The following TFAP2D variants were observed in gnomAD, a reference collection of about 807,000 sequenced individuals.
The protein encoded by TFAP2D is transcription factor AP-2 delta, also known as transcription factor AP-2-delta.
A neutral mutation model predicts 43.6 loss-of-function variants in TFAP2D; 9 were observed. The observed-to-expected ratio is 0.21, with a 90% CI of 0.12 to 0.36. The LOEUF (loss-of-function observed/expected upper bound fraction) is 0.36. Among genes scored for constraint, TFAP2D ranks in the 10% least tolerant of loss-of-function variants. The pLI is 1.00. For missense variants in TFAP2D, 513 were observed against 561.4 expected (o/e 0.91, Z 0.87); for synonymous variants, 256 against 224.9 (o/e 1.14, Z -1.24).
intron 5 of TFAP2D, among the ~76,000 whole-genome samples, chr6:50,731,398 CT>C (rs1768890621): frequency 6.6e-6 from 1 of 151,820 alleles, no homozygotes. Context: ...TCAAAGAGAT[CT>C]TTTGCGCCCT....
intron 6 of TFAP2D, among the ~76,000 whole-genome samples, chr6:50,750,824 T>G (rs1293512716): frequency 6.6e-6 from 1 of 152,064 alleles, no homozygotes; most frequent in Admixed American, 6.6e-5. Context: ...GAAGTAAGAC[T>G]GTAACTTTAA....
chr6:50,735,663 C>T (rs1345765783), intron 5 of TFAP2D, among the ~76,000 whole-genome samples: 1 of 152,118 alleles, frequency 6.6e-6, no homozygotes, highest in Admixed American at 6.6e-5. Flanking sequence ...TTTTATTCCA[C>T]TCTGGCCAAA....
At chr6:50,767,556 C>A (rs534448594) in intron 7 of TFAP2D, among the ~76,000 whole-genome samples, 1 of 152,248 alleles carries the variant, frequency 6.6e-6, no homozygotes, top group South Asian at 2.1e-4. Context: ...TTATTTAAGT[C>A]CTCTCATCAC....
At chr6:50,721,428 T>C (rs1768722774) in intron 3 of TFAP2D, among the ~76,000 whole-genome samples, 1 of 152,220 alleles carries the variant, frequency 6.6e-6, no homozygotes, top group Non-Finnish European at 1.5e-5. Context: ...GTCTGTTTAT[T>C]CTGAAACAAT....
At chr6:50,750,033 A>G (rs1447540721) in intron 6 of TFAP2D, among the ~76,000 whole-genome samples, 1 of 151,948 alleles carries the variant, frequency 6.6e-6, no homozygotes, top group Non-Finnish European at 1.5e-5. Context: ...TTAAAATATC[A>G]TAAGTGATCT....
At chr6:50,714,579 G>A (rs1412924409) in intron 1 of TFAP2D, among the ~76,000 whole-genome samples, 1 of 152,166 alleles carries the variant, frequency 6.6e-6, no homozygotes, top group Non-Finnish European at 1.5e-5. Flanking sequence ...GATTTGCACA[G>A]ACTGGATTTT....
At chr6:50,715,084 T>C in intron 1 of TFAP2D, 32 bp from the exon 2 acceptor site, 1 of 1,595,428 alleles carries the variant, frequency 6.3e-7, no homozygotes, top group Non-Finnish European at 8.6e-7. Context: ...CTCAAGTTTT[T>C]CTGCTCTCCC....
Position 50,719,166 on chromosome 6 carries a change from C to A in TFAP2D, c.598+16C>A, listed in dbSNP as rs200425037. The A allele has an allele frequency of 2.5e-6, 4 of 1,611,066 alleles. No homozygotes were observed. In the South Asian group the frequency reaches 3.3e-5, roughly 13 times the overall value. On this transcript the variant is annotated intron_variant, in intron 3 of 7. Coordinates refer to ENST00000008391, the MANE Select transcript of TFAP2D (RefSeq NM_172238.4). ...ATAAGAAGAGGTAAGTAACAAGTAA[C>A]AACATGTTAACCCTAGACATTCTTC...
Position 50,715,490 on chromosome 6 carries a change from T to A in TFAP2D, c.414T>A (p.Asp138Glu), listed in dbSNP as rs1768605137. The part of the protein sequence containing the change: ...DEQRRELGCL[D>E]AYRRHDLSLM... The stretch of plus-strand genomic sequence containing the variant: ...AGAGGCGGGAGCTGGGCTGCCTCGA[T>A]GCCTACCGCCGCCATGACCTGTCCC... The change falls in exon 2 of 8, where the codon GAT (aspartate) becomes GAA (glutamate). Residue 138 changes from aspartate to glutamate, a missense_variant. Coordinates refer to ENST00000008391, the MANE Select transcript of TFAP2D (RefSeq NM_172238.4). The A allele has an allele frequency of 6.2e-7, 1 of 1,613,660 alleles. No homozygotes were observed. The highest frequency in any genetic ancestry group is 1.3e-5 in the African/African-American group (1 of 74,916).
At chr6:50,730,155 TATATG>T (rs1324170566) in intron 5 of TFAP2D, among the ~76,000 whole-genome samples, 1 of 152,200 alleles carries the variant, frequency 6.6e-6, no homozygotes, top group Non-Finnish European at 1.5e-5. Context: ...ATTATTTGTC[TATATG>T]GCACTGTAGG....
At chr6:50,735,970 A>T (rs541609975) in intron 5 of TFAP2D, among the ~76,000 whole-genome samples, 29 of 152,258 alleles carry the variant, frequency 1.9e-4, no homozygotes, top group Admixed American at 6.5e-4. Context: ...CATTCTTCTC[A>T]TAGAGTTTAG....
chr6:50,725,979 C>T (rs1188707730), intron 3 of TFAP2D, among the ~76,000 whole-genome samples: 2 of 152,178 alleles, frequency 1.3e-5, no homozygotes, highest in Non-Finnish European at 2.9e-5. Flanking sequence ...GAGTTGATGG[C>T]TAATCCTGAA....
Position 50,715,200 on chromosome 6 carries a change from T to C in TFAP2D, c.124T>C (p.Ser42Pro). 2 of 1,613,274 alleles carry C rather than the reference T, an allele frequency of 1.2e-6. No individual in the cohort carries two copies. The highest frequency in any genetic ancestry group is 3.3e-5 in the Admixed American group (2 of 59,948). Residue 42 changes from serine to proline, a missense_variant, in exon 2 of 8, where the codon TCC becomes CCC. This residue lies in a region of TFAP2D where 311 missense variants were observed against 316.2 expected (regional missense o/e 0.98). Transcript: ENST00000008391. ...AGCCAATTCCACTGTCGCCTATTCCTCCTCCTCTCCTTTAACTTACTCCAC... is the reference window on the plus strand; with the variant it reads ...AGCCAATTCCACTGTCGCCTATTCCCCCTCCTCTCCTTTAACTTACTCCAC... ...SVANSTVAYS[S>P]SSPLTYSTTG...
intron 6 of TFAP2D, among the ~76,000 whole-genome samples, chr6:50,745,681 G>A (rs1769115852): frequency 1.3e-5 from 2 of 152,090 alleles, no homozygotes. Context: ...GTTGGTGAGA[G>A]GTACCAGGGA....
intron 3 of TFAP2D, among the ~76,000 whole-genome samples, chr6:50,722,816 G>A (rs926446761): frequency 2.0e-5 from 3 of 152,068 alleles, no homozygotes; most frequent in Non-Finnish European, 2.9e-5. Flanking sequence ...ACTAAAAAGG[G>A]GGGGGCGGGG....
chr6:50,764,891 C>G (rs189478405), intron 7 of TFAP2D, among the ~76,000 whole-genome samples: 1 of 152,134 alleles, frequency 6.6e-6, no homozygotes, highest in Non-Finnish European at 1.5e-5. Context: ...ACATCCATCA[C>G]CTCACATAGT....
Position 50,715,024 on chromosome 6 carries a change from G to C in TFAP2D, c.40-92G>C, listed in dbSNP as rs932159073. The C allele has an allele frequency of 4.0e-6, 6 of 1,509,590 alleles. No individual in the cohort carries two copies. The African/African-American group carries it at 8.3e-5, about 21-fold the overall frequency. 93.5% of individuals were successfully genotyped at this position (1,509,590 alleles called of 1,614,324 possible). A position where few individuals can be genotyped will look rare whatever the true frequency, so the allele number is the denominator to read the frequency against. On this transcript the variant is annotated intron_variant, in intron 1 of 7. Coordinates refer to ENST00000008391, the MANE Select transcript of TFAP2D (RefSeq NM_172238.4). ...CGCTCGCTTTCCTTGGAGTGCCAGAGAAAGCTCCTGGCTCCGGGAGAGCGG... is the reference window on the plus strand; with the variant it reads ...CGCTCGCTTTCCTTGGAGTGCCAGACAAAGCTCCTGGCTCCGGGAGAGCGG...
At chr6:50,717,021 A>G (rs1768638613) in intron 2 of TFAP2D, among the ~76,000 whole-genome samples, 1 of 152,234 alleles carries the variant, frequency 6.6e-6, no homozygotes, top group Non-Finnish European at 1.5e-5. Context: ...TTATACGCTC[A>G]GGGCATTTTT....
chr6:50,731,221 G>C (rs1471623586), intron 5 of TFAP2D, among the ~76,000 whole-genome samples: 2 of 152,092 alleles, frequency 1.3e-5, no homozygotes, highest in African/African-American at 2.4e-5. Context: ...TCTGCTCAGA[G>C]ATAGCTATCA....
Sources: gnomAD v4.1 joint callset for allele counts (sites outside exome capture counted in the v4.1 genomes callset) on GRCh38, gnomAD v4.1.1 for gene constraint, gnomAD v4.1.1 regional missense constraint, MANE v1.5 for transcripts, NCBI Gene and HGNC (gene_info 2026-07-23, HGNC 2026-07-21) for gene names.